The following CAMK2B variants were observed in gnomAD, a reference collection of about 807,000 sequenced individuals.
CAMK2B encodes the protein calcium/calmodulin dependent protein kinase II beta, also known as calcium/calmodulin-dependent protein kinase type II subunit beta.
CAMK2B carries 27 observed loss-of-function variants against 93.7 expected under a neutral mutation model. The ratio of observed to expected loss-of-function variants is 0.29; its 90% CI spans 0.21 to 0.40. The LOEUF is 0.40. Ranked by LOEUF, CAMK2B falls within the 10% of genes least tolerant of loss-of-function variation. CAMK2B has a pLI of 1.00. For missense variants in CAMK2B, 568 were observed against 895.8 expected (o/e 0.63, Z 4.67); for synonymous variants, 374 against 358.8 (o/e 1.04, Z -0.48).
intron 20 of CAMK2B, among the ~76,000 whole-genome samples, chr7:44,221,417 C>T (rs944033508): frequency 8.5e-5 from 13 of 152,252 alleles, no homozygotes; most frequent in Admixed American, 5.2e-4. Flanking sequence ...GGCGAGAAGG[C>T]AGAGACCTGC....
At chr7:44,272,696 G>T (rs1012453673) in intron 2 of CAMK2B, among the ~76,000 whole-genome samples, 1 of 152,216 alleles carries the variant, frequency 6.6e-6, no homozygotes, top group African/African-American at 2.4e-5. Flanking sequence ...AGCCATATGG[G>T]GATGAACATA....
chr7:44,234,945 G>A (rs2096611687), intron 13 of CAMK2B, among the ~76,000 whole-genome samples: 1 of 152,228 alleles, frequency 6.6e-6, no homozygotes, highest in African/African-American at 2.4e-5. Flanking sequence ...AGATGCCCGT[G>A]GGTGCTGGGG....
intron 1 of CAMK2B, among the ~76,000 whole-genome samples, chr7:44,320,637 G>A (rs553052894): frequency 1.3e-5 from 2 of 152,342 alleles, no homozygotes; most frequent in South Asian, 4.1e-4. Flanking sequence ...AGCAAAGTAG[G>A]TTATGGTATA....
rs182759998 is a variant in CAMK2B, at chr7:44,244,221, G to C, written c.415-694C>G. Among the ~76,000 whole-genome samples, 196 of 152,306 alleles carry C rather than the reference G, an allele frequency of 1.3e-3. 3 individuals are homozygous for C. The highest frequency in any genetic ancestry group is 4.6e-3 in the African/African-American group (192 of 41,568). ...CCCGCTGGGTATCCACAGGTTGGGG[G>C]GTTACTCAGGCCCTGACACAGAGAG... On this transcript the variant is annotated intron_variant, in intron 6 of 23. Transcript: ENST00000395749.
At chr7:44,230,893 AT>A (rs2096572855) in intron 17 of CAMK2B, 112 bp downstream of exon 17, 1 of 861,864 alleles carries the variant, frequency 1.2e-6, no homozygotes, top group Non-Finnish European at 1.8e-6. Context: ...CCCTCAACAC[AT>A]GCATAAACTA....
chr7:44,223,096 G>A (rs2096432164), intron 20 of CAMK2B, among the ~76,000 whole-genome samples: 2 of 152,188 alleles, frequency 1.3e-5, no homozygotes, highest in African/African-American at 2.4e-5. Context: ...TAAGCAGGAC[G>A]GCATGTGAAT....
intron 2 of CAMK2B, among the ~76,000 whole-genome samples, chr7:44,282,320 G>A (rs1447153432): frequency 6.6e-6 from 1 of 152,206 alleles, no homozygotes; most frequent in African/African-American, 2.4e-5. Flanking sequence ...GGCCCCAGGG[G>A]GCCAAAAGAG....
rs371355005 is a variant in CAMK2B, at chr7:44,307,368, G to A, written c.65+17989C>T. On this transcript the variant is annotated intron_variant, in intron 1 of 23. Coordinates refer to ENST00000395749, the MANE Select transcript of CAMK2B (RefSeq NM_001220.5). Reference sequence around the variant, plus strand: ...AGCAGGGGGAGGAAGTTGTCAGCAGGGGGAGGAGGGTGTGAGCAGGGAGAA... The same window carrying A: ...AGCAGGGGGAGGAAGTTGTCAGCAGAGGGAGGAGGGTGTGAGCAGGGAGAA... Among the ~76,000 whole-genome samples, 140 of 127,010 alleles carry A rather than the reference G, an allele frequency of 1.1e-3. 1 individual carries two copies. Among genetic ancestry groups the A allele is most frequent in the African/African-American group, 3.8e-3 (128 of 33,524 alleles). The allele number at this position is 127,010 out of a possible 152,430, so 83.3% of individuals were successfully genotyped here.
At chr7:44,294,491 G>A (rs965831557) in intron 1 of CAMK2B, among the ~76,000 whole-genome samples, 1 of 152,204 alleles carries the variant, frequency 6.6e-6, no homozygotes, top group African/African-American at 2.4e-5. Context: ...TTGGCTGCAT[G>A]TGCCCTGTGA....
At chr7:44,297,271 T>C (rs1475122744) in intron 1 of CAMK2B, among the ~76,000 whole-genome samples, 3 of 151,840 alleles carry the variant, frequency 2.0e-5, no homozygotes, top group Non-Finnish European at 4.4e-5. Context: ...TGGCAAACTC[T>C]AGGACAACCA....
intron 2 of CAMK2B, among the ~76,000 whole-genome samples, chr7:44,277,284 A>G (rs2129075957): frequency 6.6e-6 from 1 of 152,332 alleles, no homozygotes; most frequent in South Asian, 2.1e-4. Context: ...TGTTAACAGT[A>G]GTTTAATAAT....
intron 2 of CAMK2B, among the ~76,000 whole-genome samples, chr7:44,279,077 C>G (rs1242048899): frequency 6.6e-6 from 1 of 151,182 alleles, no homozygotes. Flanking sequence ...AACACAAACA[C>G]AGGCTGCATA....
intron 13 of CAMK2B, among the ~76,000 whole-genome samples, chr7:44,238,525 G>A (rs67391165): frequency 0.14 from 21,848 of 152,152 alleles, 1,666 homozygotes; most frequent in South Asian, 0.24. Flanking sequence ...TGCTAGACAC[G>A]TCCACTGGGC....
chr7:44,323,895 G>A (rs965883261), intron 1 of CAMK2B: 1 of 162,090 alleles, frequency 6.2e-6, no homozygotes, highest in South Asian at 1.5e-4. Flanking sequence ...GAAGACCGGG[G>A]AGCCAGCCAC....
chr7:44,288,941 C>T (rs1785930605), intron 1 of CAMK2B, among the ~76,000 whole-genome samples: 1 of 152,162 alleles, frequency 6.6e-6, no homozygotes, highest in Admixed American at 6.5e-5. Flanking sequence ...CGGTGTTTCA[C>T]AGGCATCCTG....
At chr7:44,234,365 A>G in intron 15 of CAMK2B, 25 bp downstream of exon 15, 1 of 1,490,916 alleles carries the variant, frequency 6.7e-7, no homozygotes, top group Non-Finnish European at 8.9e-7. Context: ...AGGGGCTGAG[A>G]GGCAGAATTT....
At chr7:44,234,366 G>C in intron 15 of CAMK2B, 24 bp downstream of exon 15, 1 of 1,492,074 alleles carries the variant, frequency 6.7e-7, no homozygotes, top group Non-Finnish European at 8.9e-7. Flanking sequence ...GGGGCTGAGA[G>C]GCAGAATTTG....
chr7:44,236,619 C>T (rs1159747432), intron 13 of CAMK2B, among the ~76,000 whole-genome samples: 1 of 152,204 alleles, frequency 6.6e-6, no homozygotes, highest in Non-Finnish European at 1.5e-5. Flanking sequence ...CTCAAATCTG[C>T]TTCCCTGTGG....
chr7:44,235,088 C>T (rs553546072), intron 13 of CAMK2B, among the ~76,000 whole-genome samples: 1 of 152,070 alleles, frequency 6.6e-6, no homozygotes, highest in Non-Finnish European at 1.5e-5. Flanking sequence ...CCCCAGAGGT[C>T]ATGCCCTCCC....
Sources: gnomAD v4.1 joint callset for allele counts (sites outside exome capture counted in the v4.1 genomes callset) on GRCh38, gnomAD v4.1.1 for gene constraint, MANE v1.5 for transcripts, NCBI Gene and HGNC (gene_info 2026-07-23, HGNC 2026-07-21) for gene names.